The following STON2 variants were observed in gnomAD, a reference collection of about 807,000 sequenced individuals.
STON2 encodes stonin-2.
In STON2, 29 loss-of-function variants were observed where a neutral mutation model predicts 65.7. The ratio of observed to expected loss-of-function variants is 0.44; its 90% CI spans 0.33 to 0.60. The LOEUF (loss-of-function observed/expected upper bound fraction) is 0.60. Among genes scored for constraint, STON2 ranks in the 20% least tolerant of loss-of-function variants. The pLI is 0.03. For missense variants in STON2, 1,054 were observed against 1,118.1 expected, an observed-to-expected ratio of 0.94 and a Z score of 0.82; for synonymous variants, 404 against 414.2, an observed-to-expected ratio of 0.98 and a Z score of 0.30.
intron 4 of STON2, among the ~76,000 whole-genome samples, chr14:81,346,202 T>C (rs1490953546): frequency 6.6e-6 from 1 of 152,198 alleles, no homozygotes; most frequent in Non-Finnish European, 1.5e-5. Context: ...TATCTTAGTA[T>C]CACATCAAAA....
At chr14:81,271,023 G>T (rs1214352189) in intron 6 of STON2, 151 bp from the exon 7 acceptor site, 33 of 1,030,256 alleles carry the variant, frequency 3.2e-5, no homozygotes, top group Non-Finnish European at 4.1e-5. Flanking sequence ...GGATCCGCCC[G>T]GCTCAGCAGA....
At chr14:81,396,210 G>C in intron 2 of STON2, 32 bp from the exon 3 acceptor site, 1 of 1,562,834 alleles carries the variant, frequency 6.4e-7, no homozygotes, top group Non-Finnish European at 8.6e-7. Flanking sequence ...ACCATCATGT[G>C]AGGAAGGCCG....
chr14:81,303,351 C>G (rs1359329724), intron 5 of STON2, among the ~76,000 whole-genome samples: 2 of 151,952 alleles, frequency 1.3e-5, no homozygotes, highest in African/African-American at 4.9e-5. Context: ...ACTAAGTGCA[C>G]ACCTGGATCA....
At position 81,262,979 on chromosome 14, in the gene STON2, T is replaced by C. The variant is rs1894210355; in HGVS notation, c.*5435A>G. ...AATTAGCACTTAGACCTTGGTAATG[T>C]TTAGAAATCATCTTTAGAAACTTGG... On this transcript the variant is annotated 3_prime_UTR_variant, in exon 8 of 8. Transcript: ENST00000614646. 10 of 985,278 alleles carry C rather than the reference T, an allele frequency of 1.0e-5. No individual in the cohort carries two copies. Among genetic ancestry groups the C allele is most frequent in the Non-Finnish European group, 1.2e-5 (10 of 829,886 alleles). 61.0% of individuals were successfully genotyped at this position (985,278 alleles called of 1,614,324 possible). A position where few individuals can be genotyped will look rare whatever the true frequency, so the allele number is the denominator to read the frequency against.
intron 6 of STON2, among the ~76,000 whole-genome samples, chr14:81,272,541 C>T (rs1210816127): frequency 6.6e-6 from 1 of 152,208 alleles, no homozygotes; most frequent in Non-Finnish European, 1.5e-5. Flanking sequence ...CACACCCGCT[C>T]TCCAAGGAAA....
intron 3 of STON2, among the ~76,000 whole-genome samples, chr14:81,378,248 C>T (rs990320312): frequency 6.6e-6 from 1 of 152,130 alleles, no homozygotes; most frequent in African/African-American, 2.4e-5. Flanking sequence ...CAGTGTTTCA[C>T]TCTGTTGTCC....
intron 3 of STON2, among the ~76,000 whole-genome samples, chr14:81,389,875 C>T (rs1899995189): frequency 6.6e-6 from 1 of 152,176 alleles, no homozygotes; most frequent in South Asian, 2.1e-4. Context: ...TCCACTTATT[C>T]CTTTGCTTCC....
At chr14:81,399,836 T>A (rs965598385) in intron 1 of STON2, among the ~76,000 whole-genome samples, 2 of 152,148 alleles carry the variant, frequency 1.3e-5, no homozygotes, top group African/African-American at 4.8e-5. Context: ...CCAGGCTAAG[T>A]GGAAGAGTTT....
Position 81,427,780 on chromosome 14 carries a change from G to A in STON2, c.-309-568C>T, listed in dbSNP as rs1456760644. On this transcript the variant is annotated intron_variant, in intron 1 of 8. Transcript: ENST00000553821. ...GCCCTGCTGATACTGTGAACTGACC[G>A]TGCAAAAACAAAAGCAGTTTTCCTC... Among the ~76,000 whole-genome samples, 11 of 151,926 alleles carry A rather than the reference G, an allele frequency of 7.2e-5. No homozygotes were observed. In the South Asian group the frequency reaches 1.9e-3, roughly 26 times the overall value.
chr14:81,356,980 A>G (rs1367931916), intron 4 of STON2, among the ~76,000 whole-genome samples: 1 of 152,202 alleles, frequency 6.6e-6, no homozygotes, highest in Non-Finnish European at 1.5e-5. Flanking sequence ...ATTTCAGGAC[A>G]TAGGCACGGG....
At chr14:81,433,034 C>G (rs1340666238) in intron 1 of STON2, among the ~76,000 whole-genome samples, 1 of 152,222 alleles carries the variant, frequency 6.6e-6, no homozygotes, top group Non-Finnish European at 1.5e-5. Flanking sequence ...CTGACTGATT[C>G]AGGAACTCAG....
At chr14:81,321,124 G>A (rs920192329) in intron 5 of STON2, among the ~76,000 whole-genome samples, 5 of 152,204 alleles carry the variant, frequency 3.3e-5, no homozygotes, top group Non-Finnish European at 4.4e-5. Context: ...TGCATGCAGC[G>A]TGTCTGGGAT....
intron 5 of STON2, among the ~76,000 whole-genome samples, chr14:81,307,145 G>A (rs959263951): frequency 1.3e-5 from 2 of 152,174 alleles, no homozygotes; most frequent in African/African-American, 4.8e-5. Context: ...GCACAGGCCA[G>A]AATTAACAAG....
chr14:81,321,746 C>T (rs1488777264), intron 5 of STON2, among the ~76,000 whole-genome samples: 1 of 152,106 alleles, frequency 6.6e-6, no homozygotes, highest in Non-Finnish European at 1.5e-5. Flanking sequence ...ACCAAACAGG[C>T]CATGAATGGG....
chr14:81,273,251 T>C (rs750795314), intron 6 of STON2, among the ~76,000 whole-genome samples: 15 of 152,172 alleles, frequency 9.9e-5, no homozygotes, highest in Non-Finnish European at 2.1e-4. Context: ...TGGTGGACAG[T>C]TAAGGAAGTT....
intron 2 of STON2, among the ~76,000 whole-genome samples, chr14:81,408,567 G>T (rs1158652487): frequency 6.6e-6 from 1 of 152,142 alleles, no homozygotes; most frequent in African/African-American, 2.4e-5. Context: ...GTGTGTATAT[G>T]TGTGTATACA....
At position 81,263,993 on chromosome 14, in the gene STON2, C is replaced by T. The variant is rs551816807; in HGVS notation, c.*4421G>A. The stretch of plus-strand genomic sequence containing the variant: ...AAAATAAATGCAAAGTAACGGTCAG[C>T]GGTTAGTGCTGGAAGAACAAAGACC... On this transcript the variant is annotated 3_prime_UTR_variant, in exon 8 of 8. Coordinates refer to ENST00000614646, the MANE Select transcript of STON2 (RefSeq NM_001394390.1). 246 of 985,390 alleles carry T rather than the reference C, an allele frequency of 2.5e-4. 2 individuals carry two copies. The African/African-American group carries it at 3.7e-3, about 15-fold the overall frequency. The allele number at this position is 985,390 out of a possible 1,614,324, so 61.0% of individuals were successfully genotyped here.
chr14:81,406,897 C>T (rs1900894092), intron 2 of STON2, among the ~76,000 whole-genome samples: 1 of 152,198 alleles, frequency 6.6e-6, no homozygotes, highest in African/African-American at 2.4e-5. Context: ...GCTCTCTGCT[C>T]CCCAACTCTC....
chr14:81,322,275 T>G (rs990758612), intron 5 of STON2, among the ~76,000 whole-genome samples: 15 of 152,196 alleles, frequency 9.9e-5, no homozygotes, highest in Admixed American at 9.8e-4. Context: ...TAGCATCCAA[T>G]GTACAAATGC....
Sources: allele counts gnomAD v4.1 joint callset (sites outside exome capture counted in the v4.1 genomes callset), GRCh38; gene constraint gnomAD v4.1.1; transcripts MANE v1.5; gene names NCBI Gene and HGNC (gene_info 2026-07-23, HGNC 2026-07-21).